Variants in PPM1H observed in about 807,000 individuals in gnomAD.
PPM1H encodes protein phosphatase, Mg2+/Mn2+ dependent 1H, also known as protein phosphatase 1H.
A neutral mutation model predicts 54.9 loss-of-function variants in PPM1H; 27 were observed. The ratio of observed to expected loss-of-function variants is 0.49; its 90% confidence interval spans 0.36 to 0.68. The LOEUF (loss-of-function observed/expected upper bound fraction) is 0.68, where lower values mean the gene tolerates loss of function less well. PPM1H is among the 30% of genes least tolerant of loss of function. PPM1H has a pLI of 0.00. For synonymous variants in PPM1H, 305 were observed against 270.8 expected (o/e 1.13, Z -1.24); for missense variants, 596 against 667.8 (o/e 0.89, Z 1.19).
intron 1 of PPM1H, among the ~76,000 whole-genome samples, chr12:62,834,506 A>G (rs1868442498): frequency 6.6e-6 from 1 of 152,194 alleles, no homozygotes; most frequent in Admixed American, 6.5e-5. Context: ...TGGGGACATC[A>G]GTCTGTGACA....
rs78447987 is a variant in PPM1H at position 62,786,331 on chromosome 12, G to A, written c.869+1895C>T. Among the ~76,000 whole-genome samples the A allele has an allele frequency of 5.6e-4, 86 of 152,332 alleles. 1 individual carries two copies. In the East Asian group the frequency reaches 0.014, roughly 25 times the overall value. ...TTTGAAGCTGCTCAAACCCTGAGGC[G>A]GGAGAGGAAAGGAGGGGTAGCAGAT... On this transcript the variant is annotated intron_variant, in intron 4 of 9. Coordinates refer to ENST00000228705, the MANE Select transcript of PPM1H (RefSeq NM_020700.2).
At chr12:62,657,239 G>A (rs2075849889) in intron 9 of PPM1H, among the ~76,000 whole-genome samples, 2 of 152,186 alleles carry the variant, frequency 1.3e-5, no homozygotes, top group Admixed American at 6.5e-5. Flanking sequence ...ATGCACCCTG[G>A]CCCTGGTTCC....
chr12:62,846,886 C>A (rs1017357682), intron 1 of PPM1H, among the ~76,000 whole-genome samples: 3 of 152,166 alleles, frequency 2.0e-5, no homozygotes, highest in African/African-American at 7.2e-5. Context: ...CTGCCACTGG[C>A]TAGTTGTGTG....
chr12:62,656,093 C>T (rs187737347), intron 9 of PPM1H, among the ~76,000 whole-genome samples: 25 of 152,326 alleles, frequency 1.6e-4, no homozygotes, highest in African/African-American at 4.8e-4. Flanking sequence ...TAAAGTCAGG[C>T]GGAAGGAGGC....
At chr12:62,916,952 G>A (rs1408057723) in intron 1 of PPM1H, among the ~76,000 whole-genome samples, 1 of 150,664 alleles carries the variant, frequency 6.6e-6, no homozygotes, top group African/African-American at 2.4e-5. Flanking sequence ...AAGGTAGCAT[G>A]TGAAAGTTCA....
chr12:62,833,966 A>T (rs192706107), intron 1 of PPM1H, among the ~76,000 whole-genome samples: 106 of 152,306 alleles, frequency 7.0e-4, no homozygotes, highest in African/African-American at 2.4e-3. Context: ...CGAAAAGATC[A>T]TATCAGTCAT....
chr12:62,887,665 A>G (rs1870639634), intron 1 of PPM1H, among the ~76,000 whole-genome samples: 2 of 152,302 alleles, frequency 1.3e-5, no homozygotes, highest in South Asian at 4.1e-4. Context: ...ATAATGAGCG[A>G]GGTGATTTCA....
At chr12:62,918,055 A>G (rs1266722361) in intron 1 of PPM1H, among the ~76,000 whole-genome samples, 1 of 152,218 alleles carries the variant, frequency 6.6e-6, no homozygotes, top group Non-Finnish European at 1.5e-5. Flanking sequence ...AGAAGTACCC[A>G]ACTTCTCTTA....
chr12:62,709,699 A>G (rs1186075850), intron 6 of PPM1H, among the ~76,000 whole-genome samples: 1 of 152,250 alleles, frequency 6.6e-6, no homozygotes, highest in East Asian at 1.9e-4. Flanking sequence ...TTATTTATAC[A>G]TATGTCCCAA....
Position 62,645,456 on chromosome 12 carries a change from A to C in PPM1H, c.*3033T>G, listed in dbSNP as rs1257599922. On this transcript the variant is annotated 3_prime_UTR_variant, in exon 10 of 10. Transcript: ENST00000228705. ...ACAGCTGAGTACTTGGCCTGGCCCG[A>C]TTTTCACCTTTCCTTTTACACCTCA... The C allele has an allele frequency of 6.6e-6, 1 of 152,222 alleles. No individual in the cohort carries two copies. Among genetic ancestry groups the C allele is most frequent in the Non-Finnish European group, 1.5e-5 (1 of 68,090 alleles). The allele number at this position is 152,222 out of a possible 1,614,324, so 9.4% of individuals were successfully genotyped here. A position where few individuals can be genotyped will look rare whatever the true frequency, so the allele number is the denominator to read the frequency against.
intron 8 of PPM1H, among the ~76,000 whole-genome samples, chr12:62,686,909 G>A (rs1199515270): frequency 7.2e-5 from 11 of 152,118 alleles, no homozygotes; most frequent in African/African-American, 2.4e-4. Context: ...TCACAGCTCC[G>A]CCAAAGTGGT....
At chr12:62,673,260 T>C (rs1289956809) in intron 8 of PPM1H, among the ~76,000 whole-genome samples, 1 of 152,176 alleles carries the variant, frequency 6.6e-6, no homozygotes, top group East Asian at 1.9e-4. Flanking sequence ...AATGTCAACA[T>C]TGGGCACTTA....
intron 1 of PPM1H, among the ~76,000 whole-genome samples, chr12:62,898,962 C>T (rs1299700392): frequency 1.3e-5 from 2 of 152,146 alleles, no homozygotes; most frequent in Non-Finnish European, 1.5e-5. Context: ...GGCTCGTGTA[C>T]ATCAAGATTT....
intron 6 of PPM1H, among the ~76,000 whole-genome samples, chr12:62,707,735 G>A (rs1039547027): frequency 6.6e-6 from 1 of 152,192 alleles, no homozygotes; most frequent in Non-Finnish European, 1.5e-5. Flanking sequence ...GCCCTGTCCT[G>A]ACACTAGACT....
At chr12:62,888,208 C>A (rs1280439543) in intron 1 of PPM1H, among the ~76,000 whole-genome samples, 1 of 152,082 alleles carries the variant, frequency 6.6e-6, no homozygotes, top group African/African-American at 2.4e-5. Flanking sequence ...TCCACTTCAT[C>A]AACTAGGTGG....
At chr12:62,658,056 CAAA>C (rs34769800) in intron 9 of PPM1H, among the ~76,000 whole-genome samples, 39 of 107,294 alleles carry the variant, frequency 3.6e-4, no homozygotes, top group African/African-American at 9.1e-4. Context: ...ATCCAGGTTA[CAAA>C]AAAAAAAAAA....
At chr12:62,802,630 C>G (rs1451278872) in intron 2 of PPM1H, among the ~76,000 whole-genome samples, 1 of 150,716 alleles carries the variant, frequency 6.6e-6, no homozygotes, top group Non-Finnish European at 1.5e-5. Flanking sequence ...GTGGCGCGAT[C>G]TAGGCTCACT....
At chr12:62,699,791 G>T (rs141424338) in intron 6 of PPM1H, among the ~76,000 whole-genome samples, 2 of 152,094 alleles carry the variant, frequency 1.3e-5, no homozygotes, top group Admixed American at 6.5e-5. Context: ...GAAACAATCC[G>T]ATTTCTTACA....
intron 3 of PPM1H, among the ~76,000 whole-genome samples, chr12:62,796,480 T>A (rs2076734906): frequency 6.6e-6 from 1 of 152,080 alleles, no homozygotes; most frequent in African/African-American, 2.4e-5. Flanking sequence ...CTCACAGAAA[T>A]CAGGAAAAAT....
Sources: allele counts gnomAD v4.1 joint callset (sites outside exome capture counted in the v4.1 genomes callset), GRCh38; gene constraint gnomAD v4.1.1; transcripts MANE v1.5; gene names NCBI Gene and HGNC (gene_info 2026-07-23, HGNC 2026-07-21).